Variants in PCDH11X observed in about 807,000 individuals in gnomAD.
The protein encoded by PCDH11X is protocadherin 11 X-linked.
In PCDH11X, 18 loss-of-function variants were observed where a neutral mutation model predicts 53.3. That is an observed-to-expected ratio of 0.34 (90% confidence interval 0.23 to 0.50). The LOEUF (loss-of-function observed/expected upper bound fraction) is 0.50, where lower values mean the gene tolerates loss of function less well. Ranked by LOEUF, PCDH11X falls within the 20% of genes least tolerant of loss-of-function variation. The pLI is 0.98. For synonymous variants in PCDH11X, 279 were observed against 393.3 expected, an observed-to-expected ratio of 0.71 and a Z score of 3.44; for missense variants, 570 against 1,032.4, an observed-to-expected ratio of 0.55 and a Z score of 6.14.
chrX:92,131,750 G>T (rs1241365010), intron 6 of PCDH11X, among the ~76,000 whole-genome samples: 1 of 110,604 alleles, frequency 9.0e-6, no homozygotes, highest in Non-Finnish European at 1.9e-5. Context: ...CAGGTGCTAG[G>T]GTAATTACCC....
chrX:92,288,884 A>C (rs2148454764), intron 8 of PCDH11X, among the ~76,000 whole-genome samples: 1 of 110,040 alleles, frequency 9.1e-6, no homozygotes, highest in Admixed American at 9.7e-5. Flanking sequence ...TAATTGACCA[A>C]ATTTTTATAA....
At chrX:91,822,282 C>T (rs1936719505) in intron 4 of PCDH11X, among the ~76,000 whole-genome samples, 1 of 106,499 alleles carries the variant, frequency 9.4e-6, no homozygotes, top group Admixed American at 1.0e-4. Context: ...TGGTAGAATT[C>T]GGCTGTGAAT....
chrX:91,787,560 A>G (rs1935374650), intron 1 of PCDH11X, among the ~76,000 whole-genome samples: 1 of 111,038 alleles, frequency 9.0e-6, no homozygotes, highest in South Asian at 3.8e-4. Context: ...CCCCAAAAGT[A>G]AAATGAAGGA....
chrX:92,528,959 G>T (rs1399075555), intron 10 of PCDH11X, among the ~76,000 whole-genome samples: 8 of 110,553 alleles, frequency 7.2e-5, no homozygotes, highest in Non-Finnish European at 1.1e-4. Context: ...TATGATGCAT[G>T]AGATAATTAG....
At chrX:92,377,472 G>C (rs1225373927) in intron 8 of PCDH11X, among the ~76,000 whole-genome samples, 1 of 110,877 alleles carries the variant, frequency 9.0e-6, no homozygotes, top group South Asian at 3.8e-4. Flanking sequence ...TATTATGAAG[G>C]CTGTACCAAG....
chrX:92,233,050 T>A (rs1384146065), intron 7 of PCDH11X, among the ~76,000 whole-genome samples: 2 of 111,650 alleles, frequency 1.8e-5, no homozygotes, highest in Admixed American at 9.6e-5. Flanking sequence ...AATCTGACTC[T>A]ACCCCAGCTC....
intron 6 of PCDH11X, among the ~76,000 whole-genome samples, chrX:91,940,257 A>G (rs1237009844): frequency 9.0e-6 from 1 of 111,333 alleles, no homozygotes; most frequent in East Asian, 2.9e-4. Flanking sequence ...TACTTCCTGT[A>G]CAGCCTGCAG....
intron 7 of PCDH11X, among the ~76,000 whole-genome samples, chrX:92,222,385 C>G (rs2066898169): frequency 9.0e-6 from 1 of 111,514 alleles, no homozygotes; most frequent in Non-Finnish European, 1.9e-5. Flanking sequence ...GCCTGTGAGA[C>G]TTTAAAGATT....
chrX:92,545,333 A>AGGAG (rs1339305072), intron 10 of PCDH11X, among the ~76,000 whole-genome samples: 2 of 108,683 alleles, frequency 1.8e-5, no homozygotes, highest in Non-Finnish European at 3.8e-5. Flanking sequence ...CTATCAAATA[A>AGGAG]GGAGAGTGGT....
chrX:92,485,716 T>C (rs1360397029), intron 10 of PCDH11X, among the ~76,000 whole-genome samples: 1 of 111,569 alleles, frequency 9.0e-6, no homozygotes, highest in Non-Finnish European at 1.9e-5. Flanking sequence ...ATGTAAAAAG[T>C]CTTATTAAAT....
chrX:92,046,886 C>G (rs1423686344), intron 6 of PCDH11X, among the ~76,000 whole-genome samples: 2 of 102,623 alleles, frequency 1.9e-5, no homozygotes, highest in African/African-American at 7.3e-5. Flanking sequence ...ACATACTTTC[C>G]CATGGGATTA....
At chrX:92,569,146 G>A (rs1354490549) in intron 10 of PCDH11X, among the ~76,000 whole-genome samples, 1 of 108,574 alleles carries the variant, frequency 9.2e-6, no homozygotes, top group Non-Finnish European at 1.9e-5. Flanking sequence ...AAGAGTGAAA[G>A]AGTACAAAAT....
intron 6 of PCDH11X, among the ~76,000 whole-genome samples, chrX:92,101,452 T>C (rs1009110852): frequency 9.0e-6 from 1 of 111,588 alleles, no homozygotes; most frequent in Non-Finnish European, 1.9e-5. Context: ...GGTGTGTTTT[T>C]AAAAGACCTT....
In PCDH11X at chrX:92,126,967, TCAAGA is replaced by T. The variant is rs1313738245; in HGVS notation, c.3034-74403_3034-74399del. Among the ~76,000 whole-genome samples the T allele has an allele frequency of 4.6e-3, 492 of 107,515 alleles. 4 individuals carry two copies. The highest frequency in any genetic ancestry group is 0.015 in the African/African-American group (460 of 29,812). 93.4% of individuals were successfully genotyped at this position (107,515 alleles called of 115,157 possible). A position where few individuals can be genotyped will look rare whatever the true frequency, so the allele number is the denominator to read the frequency against. ...ATTCACTGTTTGATTCAGTTGTAAT[TCAAGA>T]CAAGTCTTTCCTTTTTCATTTTAAT... On this transcript the variant is annotated intron_variant, in intron 6 of 10. Transcript: ENST00000682573.
chrX:92,590,770 G>A (rs1173363917), intron 10 of PCDH11X, among the ~76,000 whole-genome samples: 3 of 110,250 alleles, frequency 2.7e-5, no homozygotes, highest in African/African-American at 9.9e-5. Context: ...GTGTGTGTTT[G>A]TATTTGTGGA....
chrX:91,867,400 C>T (rs1821896405), intron 5 of PCDH11X, among the ~76,000 whole-genome samples: 1 of 110,004 alleles, frequency 9.1e-6, no homozygotes, highest in African/African-American at 3.3e-5. Context: ...GTTATGCTTA[C>T]AGAAAATTGG....
At chrX:91,830,406 T>C (rs1187137520) in intron 4 of PCDH11X, among the ~76,000 whole-genome samples, 3 of 111,603 alleles carry the variant, frequency 2.7e-5, no homozygotes, top group Non-Finnish European at 5.6e-5. Context: ...CTGTGCCTTA[T>C]TAAATTTTTT....
chrX:92,151,116 T>A (rs1162413513), intron 6 of PCDH11X, among the ~76,000 whole-genome samples: 57 of 110,067 alleles, frequency 5.2e-4, no homozygotes, highest in African/African-American at 1.8e-3. Context: ...AAATTTTTTT[T>A]ATATTCTTTT....
Position 91,923,429 on chromosome X carries a change from G to A in PCDH11X, c.3033+44156G>A, listed in dbSNP as rs768306246. Among the ~76,000 whole-genome samples, 6 of 103,264 alleles carry A rather than the reference G, an allele frequency of 5.8e-5. No homozygotes were observed. In the East Asian group the frequency reaches 1.9e-3, roughly 32 times the overall value. 89.7% of individuals were successfully genotyped at this position (103,264 alleles called of 115,157 possible). The stretch of plus-strand genomic sequence containing the variant: ...AAGGTAGAGGGACTTGACTTGCTGA[G>A]TCTTCCAGGCTTCATCTTTCTCCTG... On this transcript the variant is annotated intron_variant, in intron 6 of 10. Coordinates refer to ENST00000682573, the MANE Select transcript of PCDH11X (RefSeq NM_032968.5).
Sources: allele counts gnomAD v4.1 joint callset (sites outside exome capture counted in the v4.1 genomes callset), GRCh38; gene constraint gnomAD v4.1.1; transcripts MANE v1.5; gene names NCBI Gene and HGNC (gene_info 2026-07-23, HGNC 2026-07-21).